Variants in ATP10B observed in about 807,000 individuals in gnomAD.
The protein encoded by ATP10B is ATPase phospholipid transporting 10B (putative), also known as phospholipid-transporting ATPase VB.
A neutral mutation model predicts 141.2 loss-of-function variants in ATP10B; 122 were observed. The observed-to-expected ratio is 0.86, with a 90% CI of 0.75 to 1.00. The LOEUF is 1.00. Among genes scored for constraint, ATP10B ranks in the 50% least tolerant of loss-of-function variants. The probability of loss-of-function intolerance (pLI) is 0.00; values close to 1 mark genes in which losing one functional copy is unlikely to be tolerated. For missense variants in ATP10B, 1,876 were observed against 1,825.3 expected, an observed-to-expected ratio of 1.03 and a Z score of -0.51; for synonymous variants, 685 against 692.0, an observed-to-expected ratio of 0.99 and a Z score of 0.16.
the ATP10B span, among the ~76,000 whole-genome samples, chr5:160,913,800 T>C: frequency 6.6e-6 from 1 of 152,212 alleles, no homozygotes; most frequent in African/African-American, 2.4e-5. Flanking sequence ...GGGTGTAATG[T>C]AAATGGAATT....
At chr5:160,877,115 C>T in the ATP10B span, among the ~76,000 whole-genome samples, 2 of 152,142 alleles carry the variant, frequency 1.3e-5, no homozygotes, top group Non-Finnish European at 2.9e-5. Flanking sequence ...CCTTGATGAA[C>T]ATTGATGCAA....
chr5:160,840,027 AATAAG>A (rs1251807617), intron 1 of ATP10B, among the ~76,000 whole-genome samples: 13 of 152,096 alleles, frequency 8.5e-5, no homozygotes, highest in African/African-American at 2.9e-4. Flanking sequence ...GAGCAAGCAC[AATAAG>A]ATATGTTCAA....
At chr5:160,800,978 C>T (rs6889742) in intron 1 of ATP10B, among the ~76,000 whole-genome samples, 1,660 of 152,278 alleles carry the variant, frequency 0.011, 35 homozygotes, top group African/African-American at 0.038. Context: ...TTTGCTGGCT[C>T]TTGGTCCCTT....
chr5:160,869,524 C>T, the ATP10B span, among the ~76,000 whole-genome samples: 1 of 152,080 alleles, frequency 6.6e-6, no homozygotes, highest in Non-Finnish European at 1.5e-5. Context: ...CCTTTAGATT[C>T]CCCCTGCACT....
chr5:160,911,561 G>C, the ATP10B span, among the ~76,000 whole-genome samples: 1 of 152,314 alleles, frequency 6.6e-6, no homozygotes, highest in South Asian at 2.1e-4. Context: ...TGGTTGGGGA[G>C]AAGAGTGAAC....
At chr5:160,615,778 G>A in intron 17 of ATP10B, 60 bp downstream of exon 17, 3 of 1,583,858 alleles carry the variant, frequency 1.9e-6, no homozygotes, top group South Asian at 1.1e-5. Flanking sequence ...GGGGCCAAGA[G>A]CTCCCTTCTC....
At chr5:160,649,495 T>C (rs1316744384) in intron 7 of ATP10B, among the ~76,000 whole-genome samples, 1 of 152,224 alleles carries the variant, frequency 6.6e-6, no homozygotes, top group Non-Finnish European at 1.5e-5. Flanking sequence ...ATTGCATTTC[T>C]CTGACCTGCC....
chr5:160,697,686 T>TA (rs1266167198), intron 3 of ATP10B, among the ~76,000 whole-genome samples: 2 of 152,074 alleles, frequency 1.3e-5, no homozygotes, highest in African/African-American at 4.8e-5. Context: ...AGCAACCACC[T>TA]AAAATAAAAT....
At chr5:160,571,849 G>A (rs1030254902) in intron 24 of ATP10B, among the ~76,000 whole-genome samples, 23 of 152,162 alleles carry the variant, frequency 1.5e-4, no homozygotes, top group African/African-American at 5.3e-4. Context: ...GCAAATTGGT[G>A]CTGATTTCTT....
At chr5:160,675,363 G>A (rs1762959382) in intron 6 of ATP10B, among the ~76,000 whole-genome samples, 1 of 152,220 alleles carries the variant, frequency 6.6e-6, no homozygotes, top group South Asian at 2.1e-4. Context: ...AAATTAAGTG[G>A]TGCAGTGCTA....
chr5:160,773,681 A>T (rs1362182803), intron 2 of ATP10B, among the ~76,000 whole-genome samples: 1 of 152,120 alleles, frequency 6.6e-6, no homozygotes, highest in African/African-American at 2.4e-5. Flanking sequence ...TTGACTCTTA[A>T]CCACTCTGCT....
chr5:160,812,365 T>G (rs1345928653), intron 1 of ATP10B, among the ~76,000 whole-genome samples: 15 of 152,130 alleles, frequency 9.9e-5, no homozygotes, highest in Admixed American at 9.2e-4. Flanking sequence ...AGATGAAGAC[T>G]CAGGACTATA....
At chr5:160,593,770 G>C (rs1435077326) in intron 22 of ATP10B, among the ~76,000 whole-genome samples, 1 of 152,216 alleles carries the variant, frequency 6.6e-6, no homozygotes, top group African/African-American at 2.4e-5. Flanking sequence ...GAATGCAGAA[G>C]CCTCAGGAGC....
At chr5:160,859,455 G>C in the ATP10B span, among the ~76,000 whole-genome samples, 37 of 143,466 alleles carry the variant, frequency 2.6e-4, no homozygotes, top group Admixed American at 1.0e-3. Context: ...ATTCTGTTTG[G>C]GATTTCCTCA....
chr5:160,919,978 T>G, the ATP10B span, among the ~76,000 whole-genome samples: 1 of 152,178 alleles, frequency 6.6e-6, no homozygotes, highest in Non-Finnish European at 1.5e-5. Flanking sequence ...TTTCTGTTTG[T>G]CAAGAAACAG....
chr5:160,788,614 C>G (rs1771342849), intron 1 of ATP10B, among the ~76,000 whole-genome samples: 1 of 152,164 alleles, frequency 6.6e-6, no homozygotes, highest in East Asian at 1.9e-4. Context: ...CTCCCTGCCT[C>G]TCTTCTCAAT....
At chr5:160,593,162 C>T (rs3943968) in intron 22 of ATP10B, among the ~76,000 whole-genome samples, 105,122 of 152,136 alleles carry the variant, frequency 0.69, 37,973 homozygotes, top group East Asian at 0.84. Context: ...CTGGGAGGCA[C>T]CCCCTCAGTA....
rs538640930 is a variant in ATP10B, at chr5:160,703,625, T to C, written c.-205+13284A>G. 9.8e-3 allele frequency among the ~76,000 whole-genome samples: 1,490 copies of C among 152,060 alleles called. 24 individuals carry two copies. Among genetic ancestry groups the C allele is most frequent in the African/African-American group, 0.034 (1,425 of 41,450 alleles). ...CTGGGTAGCTGGGGCTACAGGCACC[T>C]GGGTAATTTTTGAATTTTTAGTAAA... On this transcript the variant is annotated intron_variant, in intron 3 of 25. Coordinates refer to ENST00000327245, the MANE Select transcript of ATP10B (RefSeq NM_025153.3).
chr5:160,814,743 A>G (rs1389806659), intron 1 of ATP10B, among the ~76,000 whole-genome samples: 3 of 152,236 alleles, frequency 2.0e-5, no homozygotes, highest in African/African-American at 2.4e-5. Context: ...GAGAAAGGTC[A>G]GGTTACCCAT....
Sources: gnomAD v4.1 joint callset for allele counts (sites outside exome capture counted in the v4.1 genomes callset) on GRCh38, gnomAD v4.1.1 for gene constraint, MANE v1.5 for transcripts, NCBI Gene and HGNC (gene_info 2026-07-23, HGNC 2026-07-21) for gene names.